The following TBC1D32 variants were observed in gnomAD, a reference collection of about 807,000 sequenced individuals.
TBC1D32 encodes the protein protein broad-minded.
A neutral mutation model predicts 170.3 loss-of-function variants in TBC1D32; 151 were observed. The observed-to-expected ratio is 0.89, with a 90% CI of 0.78 to 1.01. The LOEUF (loss-of-function observed/expected upper bound fraction) is 1.01, where lower values mean the gene tolerates loss of function less well. Ranked by LOEUF, TBC1D32 falls within the 50% of genes least tolerant of loss-of-function variation. The pLI is 0.00. For synonymous variants in TBC1D32, 498 were observed against 488.0 expected (o/e 1.02, Z -0.27); for missense variants, 1,464 against 1,457.1 (o/e 1.00, Z -0.08).
intron 12 of TBC1D32, among the ~76,000 whole-genome samples, chr6:121,284,400 T>C (rs1378806219): frequency 6.6e-6 from 1 of 152,144 alleles, no homozygotes; most frequent in Admixed American, 6.5e-5. Flanking sequence ...GCACTAAGTA[T>C]ATGTAGATGA....
At chr6:121,203,202 A>T (rs1791821555) in intron 22 of TBC1D32, among the ~76,000 whole-genome samples, 1 of 151,448 alleles carries the variant, frequency 6.6e-6, no homozygotes, top group Admixed American at 6.6e-5. Context: ...ATCAATGACC[A>T]ATAATAGAAA....
At chr6:121,270,329 T>C (rs1025734929) in intron 15 of TBC1D32, among the ~76,000 whole-genome samples, 5 of 152,030 alleles carry the variant, frequency 3.3e-5, no homozygotes, top group African/African-American at 1.2e-4. Context: ...ATCCAGGAGC[T>C]GGTTTTTTGA....
At position 121,241,542 on chromosome 6, in the gene TBC1D32, TG is replaced by T; in HGVS notation, c.2167del (p.His723IlefsTer23). On this transcript the variant is annotated frameshift_variant, in exon 19 of 32. Coordinates refer to ENST00000398212, the MANE Select transcript of TBC1D32 (RefSeq NM_152730.6). LOFTEE classifies it high-confidence loss of function. ...RYAKKLQVSR[H>X]KKFGYGVLVT... ...CAAAACTCCATAGCCAAATTTTTTA[TG>T]CCTGCTGACCTAACAGCATAAATAA... is the stretch of plus-strand genomic sequence containing the variant. The T allele has an allele frequency of 6.2e-7, 1 of 1,613,448 alleles. No individual in the cohort carries two copies. Among genetic ancestry groups the T allele is most frequent in the Non-Finnish European group, 8.5e-7 (1 of 1,179,660 alleles).
chr6:121,285,291 A>C (rs1413298087), intron 12 of TBC1D32, among the ~76,000 whole-genome samples: 1 of 152,202 alleles, frequency 6.6e-6, no homozygotes, highest in Admixed American at 6.5e-5. Flanking sequence ...GCAAAAGTGC[A>C]TGGGTTGAAG....
chr6:121,206,337 C>A (rs1792271459), intron 21 of TBC1D32, among the ~76,000 whole-genome samples: 1 of 151,848 alleles, frequency 6.6e-6, no homozygotes, highest in Non-Finnish European at 1.5e-5. Context: ...TGCTCATTTT[C>A]CTGACCAAGA....
At position 121,133,558 on chromosome 6, in the gene TBC1D32, C is replaced by T. The variant is rs191595841; in HGVS notation, c.2774-1806G>A. On this transcript the variant is annotated intron_variant, in intron 24 of 31. Transcript: ENST00000398212. Reference sequence around the variant, plus strand: ...TTATTTAGCCCTAAGAAAACTGCTACGTATTGCTGCATGATCCTCATGATT... The same window carrying T: ...TTATTTAGCCCTAAGAAAACTGCTATGTATTGCTGCATGATCCTCATGATT... 9.9e-5 allele frequency among the ~76,000 whole-genome samples: 15 copies of T among 152,082 alleles called. 1 individual carries two copies. The highest frequency in any genetic ancestry group is 5.9e-4 in the Admixed American group (9 of 15,268).
At chr6:121,304,880 A>G in intron 5 of TBC1D32, 47 bp from the exon 6 acceptor site, 2 of 1,246,332 alleles carry the variant, frequency 1.6e-6, no homozygotes, top group Non-Finnish European at 2.3e-6. Flanking sequence ...TCACAAGAAT[A>G]GAATAGAGAT....
intron 19 of TBC1D32, among the ~76,000 whole-genome samples, chr6:121,240,581 C>T (rs1232585391): frequency 1.3e-5 from 2 of 151,426 alleles, no homozygotes; most frequent in Non-Finnish European, 2.9e-5. Context: ...GTTCAGAGCT[C>T]AGATAACCTT....
rs78850159 is a variant in TBC1D32, at chr6:121,331,390, T to G, written c.155+2886A>C. Among the ~76,000 whole-genome samples, 5 of 149,756 alleles carry G rather than the reference T, an allele frequency of 3.3e-5. No individual in the cohort carries two copies. In the South Asian group the frequency reaches 1.1e-3, roughly 32 times the overall value. ...TGCCCGGCTAATTTTTTTTTTTTTTTTGTATTTTCAGTAGAGACAGGGTTT... is the reference window on the plus strand; with the variant it reads ...TGCCCGGCTAATTTTTTTTTTTTTTGTGTATTTTCAGTAGAGACAGGGTTT... On this transcript the variant is annotated intron_variant, in intron 1 of 31. Transcript: ENST00000398212.
chr6:121,231,451 A>C (rs1252870821), intron 20 of TBC1D32, among the ~76,000 whole-genome samples: 1 of 152,174 alleles, frequency 6.6e-6, no homozygotes, highest in African/African-American at 2.4e-5. Flanking sequence ...GTGGGATTGC[A>C]GAATCAAATA....
At chr6:121,129,793 T>TAA in intron 25 of TBC1D32, 1 of 358,444 alleles carries the variant, frequency 2.8e-6, no homozygotes, top group East Asian at 7.6e-5. Flanking sequence ...CAAGGAAAAT[T>TAA]AAGTTTCTCC....
intron 24 of TBC1D32, among the ~76,000 whole-genome samples, chr6:121,138,453 C>A (rs1782387795): frequency 6.6e-6 from 1 of 152,114 alleles, no homozygotes. Flanking sequence ...TACATGAAAA[C>A]TAAGTTTTAC....
intron 22 of TBC1D32, among the ~76,000 whole-genome samples, chr6:121,169,979 T>G (rs1786727910): frequency 6.6e-6 from 1 of 151,984 alleles, no homozygotes; most frequent in Non-Finnish European, 1.5e-5. Context: ...GAATAAAGAG[T>G]GCCTCTGCAA....
chr6:121,334,536 C>G (rs536664117), upstream of TBC1D32: 688 of 1,374,244 alleles, frequency 5.0e-4, 15 homozygotes, highest in South Asian at 9.3e-3. Context: ...CGTGCGGCGT[C>G]GTTCCCAGGG....
At chr6:121,290,226 G>A (rs1236074794) in intron 12 of TBC1D32, among the ~76,000 whole-genome samples, 2 of 152,026 alleles carry the variant, frequency 1.3e-5, no homozygotes, top group Non-Finnish European at 2.9e-5. Context: ...TACAGAATGG[G>A]AGAAAAGTTT....
Position 121,242,210 on chromosome 6 carries a change from T to G in TBC1D32, c.2148A>C (p.Lys716Asn). Reference sequence around the variant, plus strand: ...AGATGGTAATTCATACCTGTAATTTTTTTGCATATCGATTGAATATAAATG... The same window carrying G: ...AGATGGTAATTCATACCTGTAATTTGTTTGCATATCGATTGAATATAAATG... Reference protein sequence around the residue: ...CVTFIFNRYAKKLQVSRHKKF... With the variant: ...CVTFIFNRYANKLQVSRHKKF... Residue 716 changes from lysine (K) to asparagine (N), a missense_variant, in exon 18 of 32, where the codon AAA becomes AAC. Lys to Asn is a moderately conservative substitution (Grantham distance 94). This residue lies in a region of TBC1D32 where 1,363 missense variants were observed against 1,338.1 expected (regional missense o/e 1.02). Transcript: ENST00000398212. The G allele has an allele frequency of 6.2e-7, 1 of 1,611,266 alleles. No homozygotes were observed.
At chr6:121,149,270 C>G (rs1783892169) in intron 24 of TBC1D32, among the ~76,000 whole-genome samples, 1 of 152,136 alleles carries the variant, frequency 6.6e-6, no homozygotes, top group Admixed American at 6.5e-5. Context: ...AATTAGATCC[C>G]ATTTGTCAAT....
At chr6:121,168,272 T>C (rs1786349875) in intron 22 of TBC1D32, among the ~76,000 whole-genome samples, 1 of 137,418 alleles carries the variant, frequency 7.3e-6, no homozygotes, top group South Asian at 2.4e-4. Flanking sequence ...CGTATGTTTA[T>C]TGCGGCAGTA....
At chr6:121,309,561 T>C (rs1418084562) in intron 4 of TBC1D32, among the ~76,000 whole-genome samples, 2 of 151,974 alleles carry the variant, frequency 1.3e-5, no homozygotes, top group African/African-American at 4.8e-5. Flanking sequence ...TGAGACCAAA[T>C]GGCAAGATAC....
Sources: gnomAD v4.1 joint callset for allele counts (sites outside exome capture counted in the v4.1 genomes callset) on GRCh38, gnomAD v4.1.1 for gene constraint, gnomAD v4.1.1 regional missense constraint, MANE v1.5 for transcripts, NCBI Gene and HGNC (gene_info 2026-07-23, HGNC 2026-07-21) for gene names.